Variants in SCAPER observed in about 807,000 individuals in gnomAD.
SCAPER encodes S-phase cyclin A associated protein in the ER, also known as S phase cyclin A-associated protein in the endoplasmic reticulum.
Under a neutral mutation model 182.2 loss-of-function variants are expected in SCAPER, and 98 were observed. The ratio of observed to expected loss-of-function variants is 0.54; its 90% CI spans 0.46 to 0.64. The LOEUF is 0.64. Ranked by LOEUF, SCAPER falls within the 30% of genes least tolerant of loss-of-function variation. The pLI, the probability that SCAPER is intolerant of heterozygous loss-of-function variation, is 0.00. For synonymous variants in SCAPER, 605 were observed against 564.6 expected, an observed-to-expected ratio of 1.07 and a Z score of -1.01; for missense variants, 1,432 against 1,690.0, an observed-to-expected ratio of 0.85 and a Z score of 2.68.
At chr15:76,388,993 GACAC>G (rs961568860) in intron 27 of SCAPER, among the ~76,000 whole-genome samples, 20 of 151,882 alleles carry the variant, frequency 1.3e-4, no homozygotes, top group African/African-American at 4.8e-4. Flanking sequence ...CTCTGTCACA[GACAC>G]ACACACATAC....
intron 1 of SCAPER, among the ~76,000 whole-genome samples, chr15:76,885,282 G>A (rs1374184808): frequency 6.6e-6 from 1 of 152,112 alleles, no homozygotes; most frequent in Non-Finnish European, 1.5e-5. Context: ...AGGTTATCAT[G>A]TCCAAAATTT....
chr15:76,892,526 T>G (rs2074221635), intron 1 of SCAPER, among the ~76,000 whole-genome samples: 2 of 152,168 alleles, frequency 1.3e-5, no homozygotes, highest in Admixed American at 1.3e-4. Flanking sequence ...GAACAGACAC[T>G]TCTCTAAAGA....
chr15:76,450,574 GA>G (rs2048307709), intron 25 of SCAPER, among the ~76,000 whole-genome samples: 1 of 152,152 alleles, frequency 6.6e-6, no homozygotes, highest in Non-Finnish European at 1.5e-5. Context: ...TATATTTTGA[GA>G]TGGAGTCTTG....
chr15:76,464,368 A>G (rs1309901583), intron 25 of SCAPER, among the ~76,000 whole-genome samples: 1 of 151,958 alleles, frequency 6.6e-6, no homozygotes, highest in Non-Finnish European at 1.5e-5. Flanking sequence ...TTAATATTCC[A>G]TTGTTTGTAC....
chr15:76,719,341 A>C (rs1027432725), intron 17 of SCAPER, among the ~76,000 whole-genome samples: 1 of 152,184 alleles, frequency 6.6e-6, no homozygotes, highest in Non-Finnish European at 1.5e-5. Context: ...AAAAAAATTC[A>C]ATTATACAGA....
At chr15:76,437,001 G>A (rs1318821004) in intron 25 of SCAPER, among the ~76,000 whole-genome samples, 1 of 152,208 alleles carries the variant, frequency 6.6e-6, no homozygotes, top group Non-Finnish European at 1.5e-5. Context: ...AGGGGGCTCA[G>A]TATCTTACTG....
chr15:76,774,129 T>C (rs986333197), intron 9 of SCAPER, among the ~76,000 whole-genome samples: 2 of 151,922 alleles, frequency 1.3e-5, no homozygotes, highest in African/African-American at 4.8e-5. Flanking sequence ...GACATCACCT[T>C]AACCAAGTAC....
chr15:76,631,977 T>C (rs2439983), intron 21 of SCAPER, among the ~76,000 whole-genome samples: 147,620 of 152,252 alleles, frequency 0.97, 71,710 homozygotes, highest in South Asian at 1. Flanking sequence ...AGGTTTTGTT[T>C]GTTCCTTTTC....
intron 25 of SCAPER, among the ~76,000 whole-genome samples, chr15:76,452,080 C>T (rs2142846537): frequency 6.6e-6 from 1 of 152,174 alleles, no homozygotes; most frequent in African/African-American, 2.4e-5. Flanking sequence ...CTTTTAGTCC[C>T]ACTATTCCAT....
intron 22 of SCAPER, among the ~76,000 whole-genome samples, chr15:76,579,929 G>C (rs867118059): frequency 2.0e-5 from 3 of 152,128 alleles, no homozygotes; most frequent in Middle Eastern, 6.8e-3. Context: ...AACAAAGAAT[G>C]TCATTATACA....
intron 21 of SCAPER, among the ~76,000 whole-genome samples, chr15:76,641,414 T>C (rs1359016783): frequency 6.6e-6 from 1 of 151,998 alleles, no homozygotes; most frequent in Non-Finnish European, 1.5e-5. Flanking sequence ...CTAAACTTAA[T>C]AATAAATGCT....
At chr15:76,537,539 C>T (rs1287893654) in intron 23 of SCAPER, among the ~76,000 whole-genome samples, 1 of 152,074 alleles carries the variant, frequency 6.6e-6, no homozygotes, top group Non-Finnish European at 1.5e-5. Flanking sequence ...AACTGGATCC[C>T]TTCCTTACAC....
intron 21 of SCAPER, among the ~76,000 whole-genome samples, chr15:76,664,364 A>G (rs1359163264): frequency 6.6e-6 from 1 of 152,200 alleles, no homozygotes; most frequent in Non-Finnish European, 1.5e-5. Context: ...ATTTGCAGTT[A>G]GATTGGATGT....
At chr15:76,712,857 C>G (rs1296041628) in intron 17 of SCAPER, among the ~76,000 whole-genome samples, 1 of 152,026 alleles carries the variant, frequency 6.6e-6, no homozygotes, top group Non-Finnish European at 1.5e-5. Flanking sequence ...ATGGGGTTTT[C>G]TAGATATACA....
At chr15:76,373,093 G>T (rs2042302476) in intron 29 of SCAPER, among the ~76,000 whole-genome samples, 1 of 148,996 alleles carries the variant, frequency 6.7e-6, no homozygotes, top group Admixed American at 6.7e-5. Flanking sequence ...TGTCTCCCAG[G>T]CTGGAGTACA....
intron 23 of SCAPER, among the ~76,000 whole-genome samples, chr15:76,522,647 C>G (rs1294625256): frequency 1.3e-5 from 2 of 151,944 alleles, no homozygotes; most frequent in Non-Finnish European, 2.9e-5. Flanking sequence ...TAAATGTTAA[C>G]AAAATGTTGG....
intron 5 of SCAPER, among the ~76,000 whole-genome samples, chr15:76,825,901 C>T (rs1157292674): frequency 6.6e-6 from 1 of 152,122 alleles, no homozygotes; most frequent in Non-Finnish European, 1.5e-5. Flanking sequence ...CACACCACCA[C>T]GCCCAGCTAA....
chr15:76,517,352 CTTTTT>C (rs780568492), intron 23 of SCAPER, among the ~76,000 whole-genome samples: 1 of 138,474 alleles, frequency 7.2e-6, no homozygotes. Flanking sequence ...ATATTAACAT[CTTTTT>C]TTTTTTTTTT....
chr15:76,817,561 G>T (rs2067187819), intron 5 of SCAPER, among the ~76,000 whole-genome samples: 1 of 152,100 alleles, frequency 6.6e-6, no homozygotes, highest in Non-Finnish European at 1.5e-5. Flanking sequence ...TAAAAGAGTA[G>T]TTTTGTTACT....
Sources: gnomAD v4.1 joint callset for allele counts (sites outside exome capture counted in the v4.1 genomes callset) on GRCh38, gnomAD v4.1.1 for gene constraint, MANE v1.5 for transcripts, NCBI Gene and HGNC (gene_info 2026-07-23, HGNC 2026-07-21) for gene names.